ZDHHC14: variants seen among roughly 807,000 people sequenced by gnomAD.
ZDHHC14 encodes the protein palmitoyltransferase ZDHHC14.
A neutral mutation model predicts 47.7 loss-of-function variants in ZDHHC14; 16 were observed. The observed-to-expected ratio is 0.34, with a 90% CI of 0.23 to 0.51. The LOEUF (loss-of-function observed/expected upper bound fraction) is 0.51, where lower values mean the gene tolerates loss of function less well. Ranked by LOEUF, ZDHHC14 falls within the 20% of genes least tolerant of loss-of-function variation. ZDHHC14 has a pLI of 0.97. For missense variants in ZDHHC14, 515 were observed against 662.5 expected (o/e 0.78, Z 2.44); for synonymous variants, 293 against 278.9 (o/e 1.05, Z -0.50).
rs1338376954 is a variant in ZDHHC14, at chr6:157,586,681, C to T, written c.407-6307C>T. ...GCCCTCCCAGGACCCCAGCGGCCCT[C>T]GGCAACCCCTGGTGCAGCACCGGCT... On this transcript the variant is annotated intron_variant, in intron 2 of 8. Transcript: ENST00000359775. This position sits in a 1 kb window ranked among gnomAD's most constrained non-coding sequence, Gnocchi z 4.6. 5.4e-5 allele frequency among the ~76,000 whole-genome samples: 8 copies of T among 149,014 alleles called. No individual in the cohort carries two copies. The South Asian group carries it at 1.1e-3, about 21-fold the overall frequency.
chr6:157,411,481 A>G (rs1454893840), intron 1 of ZDHHC14, among the ~76,000 whole-genome samples: 1 of 152,246 alleles, frequency 6.6e-6, no homozygotes, highest in African/African-American at 2.4e-5. Flanking sequence ...TCTTGCCATC[A>G]GGGTAGGATC....
chr6:157,484,300 T>C (rs1237638538), intron 1 of ZDHHC14, among the ~76,000 whole-genome samples: 1 of 116,674 alleles, frequency 8.6e-6, no homozygotes, highest in African/African-American at 2.9e-5. Flanking sequence ...TGTGTATATA[T>C]ATATACATAT....
chr6:157,397,861 G>T (rs149502265), intron 1 of ZDHHC14, among the ~76,000 whole-genome samples: 3 of 152,156 alleles, frequency 2.0e-5, no homozygotes, highest in Admixed American at 2.0e-4. Context: ...GCTGACCACC[G>T]TGTCCATCAC....
At chr6:157,585,378 C>T (rs1210775513) in intron 2 of ZDHHC14, among the ~76,000 whole-genome samples, 1 of 136,928 alleles carries the variant, frequency 7.3e-6, no homozygotes, top group Admixed American at 7.8e-5. Flanking sequence ...GGCAGAGGCA[C>T]AACTGTTACC....
At chr6:157,647,452 T>G (rs1283823540) in intron 7 of ZDHHC14, 84 bp downstream of exon 7, 7 of 1,004,342 alleles carry the variant, frequency 7.0e-6, no homozygotes, top group Non-Finnish European at 1.0e-5. Context: ...CCCGCCCTGG[T>G]GGAATGGGTC....
chr6:157,472,339 T>C (rs1779376105), intron 1 of ZDHHC14, among the ~76,000 whole-genome samples: 1 of 152,084 alleles, frequency 6.6e-6, no homozygotes, highest in Non-Finnish European at 1.5e-5. Context: ...ACTCGCTGGA[T>C]AGACATTTAT....
At chr6:157,542,771 C>T (rs370274519) in intron 2 of ZDHHC14, 26 bp downstream of exon 2, 139 of 1,609,794 alleles carry the variant, frequency 8.6e-5, no homozygotes, top group Non-Finnish European at 1.2e-4. Context: ...TGCCCATGGC[C>T]TCTGGTCACT....
chr6:157,514,161 T>C (rs1047595834), intron 1 of ZDHHC14, among the ~76,000 whole-genome samples: 8 of 152,190 alleles, frequency 5.3e-5, no homozygotes, highest in African/African-American at 1.7e-4. Flanking sequence ...AGAAAAACAG[T>C]TGGGATATAC....
At chr6:157,670,643 A>G (rs1247212211) in intron 8 of ZDHHC14, among the ~76,000 whole-genome samples, 5 of 147,818 alleles carry the variant, frequency 3.4e-5, no homozygotes, top group Admixed American at 1.4e-4. Flanking sequence ...AAATAACCCT[A>G]CTCCCCTCCC....
intron 1 of ZDHHC14, among the ~76,000 whole-genome samples, chr6:157,410,519 A>C (rs1325206524): frequency 6.6e-6 from 1 of 152,194 alleles, no homozygotes; most frequent in Non-Finnish European, 1.5e-5. Flanking sequence ...TTACCAACTC[A>C]ATTATCTGGC....
chr6:157,480,546 C>T (rs974047488), intron 1 of ZDHHC14, among the ~76,000 whole-genome samples: 5 of 152,204 alleles, frequency 3.3e-5, no homozygotes, highest in Admixed American at 1.3e-4. Context: ...GGATTACAGG[C>T]GTGAGTCACT....
At chr6:157,443,983 CAG>C (rs200000880) in intron 1 of ZDHHC14, among the ~76,000 whole-genome samples, 3,813 of 152,290 alleles carry the variant, frequency 0.025, 67 homozygotes, top group Middle Eastern at 0.051. Flanking sequence ...TATTATTTTT[CAG>C]AGTCAGCTAG....
intron 3 of ZDHHC14, among the ~76,000 whole-genome samples, chr6:157,608,334 C>T (rs908396466): frequency 1.3e-5 from 2 of 151,962 alleles, no homozygotes; most frequent in African/African-American, 4.8e-5. Context: ...CATGGCCCTG[C>T]CTGCAAAGAG....
At chr6:157,592,590 G>A (rs144935793) in intron 2 of ZDHHC14, among the ~76,000 whole-genome samples, 2,076 of 152,288 alleles carry the variant, frequency 0.014, 48 homozygotes, top group African/African-American at 0.048. Context: ...CTGTGCAGGC[G>A]GGAAGAGGTC....
chr6:157,555,896 A>G (rs905918), intron 2 of ZDHHC14, among the ~76,000 whole-genome samples: 37,927 of 151,998 alleles, frequency 0.25, 5,630 homozygotes, highest in African/African-American at 0.41. Flanking sequence ...CTGTAATGTG[A>G]ACTGAATTTG....
At chr6:157,400,858 C>T (rs1007301701) in intron 1 of ZDHHC14, among the ~76,000 whole-genome samples, 2 of 152,228 alleles carry the variant, frequency 1.3e-5, no homozygotes, top group Non-Finnish European at 2.9e-5. Flanking sequence ...GTGCCGGGCT[C>T]CCTGTGCAGC....
chr6:157,673,323 T>G lies in ZDHHC14; in HGVS notation c.*201T>G. On this transcript the variant is annotated 3_prime_UTR_variant, in exon 9 of 9. Coordinates refer to ENST00000359775, the MANE Select transcript of ZDHHC14 (RefSeq NM_024630.3). This position sits in a 1 kb window ranked among gnomAD's most constrained non-coding sequence, Gnocchi z 5.4. ...AGAGCTTGGTTTCATTTGAATTTTC[T>G]TCCCCAACCTGAGTGCTTTGACAAC... The G allele has an allele frequency of 1.6e-6, 1 of 639,086 alleles. No individual in the cohort carries two copies. Among genetic ancestry groups the G allele is most frequent in the Non-Finnish European group, 2.5e-6 (1 of 403,224 alleles). The allele number at this position is 639,086 out of a possible 1,614,324, so 39.6% of individuals were successfully genotyped here.
At chr6:157,597,448 A>G (rs1784176402) in intron 3 of ZDHHC14, among the ~76,000 whole-genome samples, 1 of 152,196 alleles carries the variant, frequency 6.6e-6, no homozygotes, top group African/African-American at 2.4e-5. Context: ...TACAGCCTAA[A>G]CCTGTAATAA....
intron 1 of ZDHHC14, among the ~76,000 whole-genome samples, chr6:157,410,148 T>C (rs1777845911): frequency 6.6e-6 from 1 of 152,224 alleles, no homozygotes; most frequent in African/African-American, 2.4e-5. Context: ...GGCCAGCTTC[T>C]CAGCACTTCC....
Sources: gnomAD v4.1 joint callset for allele counts (sites outside exome capture counted in the v4.1 genomes callset) on GRCh38, gnomAD v4.1.1 for gene constraint, Gnocchi (gnomAD v3.1) non-coding constraint, MANE v1.5 for transcripts, NCBI Gene and HGNC (gene_info 2026-07-23, HGNC 2026-07-21) for gene names.